NCKAP5: variants seen among roughly 807,000 people sequenced by gnomAD.
The protein encoded by NCKAP5 is NCK associated protein 5.
NCKAP5 carries 92 observed loss-of-function variants against 167.0 expected under a neutral mutation model. The ratio of observed to expected loss-of-function variants is 0.55; its 90% confidence interval spans 0.47 to 0.66. The LOEUF (loss-of-function observed/expected upper bound fraction) is 0.66, where lower values mean the gene tolerates loss of function less well. NCKAP5 is among the 30% of genes least tolerant of loss of function. The pLI is 0.00. For missense variants in NCKAP5, 2,378 were observed against 2,315.0 expected, an observed-to-expected ratio of 1.03 and a Z score of -0.56; for synonymous variants, 891 against 877.4, an observed-to-expected ratio of 1.02 and a Z score of -0.27.
intron 6 of NCKAP5, among the ~76,000 whole-genome samples, chr2:133,109,412 T>G (rs2081833576): frequency 6.6e-6 from 1 of 152,200 alleles, no homozygotes; most frequent in South Asian, 2.1e-4. Context: ...CAGTAATGCT[T>G]TCTTCAAGAG....
intron 3 of NCKAP5, among the ~76,000 whole-genome samples, chr2:133,454,869 G>A (rs2151209458): frequency 6.6e-6 from 1 of 152,072 alleles, no homozygotes; most frequent in East Asian, 1.9e-4. Context: ...AACAATAAAT[G>A]AATATAATTG....
chr2:133,299,743 C>T (rs1310528383), intron 4 of NCKAP5, among the ~76,000 whole-genome samples: 1 of 152,168 alleles, frequency 6.6e-6, no homozygotes, highest in East Asian at 1.9e-4. Context: ...AAGAGCAAAT[C>T]TCTGTCTCAG....
intron 8 of NCKAP5, among the ~76,000 whole-genome samples, chr2:132,913,809 T>C (rs185356415): frequency 1.5e-3 from 226 of 152,306 alleles, no homozygotes; most frequent in African/African-American, 5.2e-3. Flanking sequence ...AGGGCTCATA[T>C]TGAAGTGCAT....
At chr2:133,481,087 A>G (rs147449342) in intron 3 of NCKAP5, among the ~76,000 whole-genome samples, 2 of 152,362 alleles carry the variant, frequency 1.3e-5, no homozygotes, top group Admixed American at 6.5e-5. Context: ...TTCTGTACAC[A>G]TACTAATAAA....
At chr2:133,079,890 A>C (rs1184150872) in intron 6 of NCKAP5, among the ~76,000 whole-genome samples, 12 of 152,088 alleles carry the variant, frequency 7.9e-5, no homozygotes, top group African/African-American at 2.9e-4. Flanking sequence ...CAGGTTTCAG[A>C]ATTTAGCTGT....
intron 7 of NCKAP5, among the ~76,000 whole-genome samples, chr2:132,973,151 T>C (rs1393632547): frequency 3.9e-5 from 6 of 152,186 alleles, no homozygotes; most frequent in African/African-American, 1.2e-4. Context: ...ACACCGTCAC[T>C]GGGGAGTGAC....
intron 4 of NCKAP5, among the ~76,000 whole-genome samples, chr2:133,293,547 T>A (rs530228813): frequency 2.6e-5 from 4 of 152,204 alleles, no homozygotes; most frequent in Non-Finnish European, 5.9e-5. Context: ...AAGACAGTGA[T>A]GTTATTTCAT....
intron 11 of NCKAP5, among the ~76,000 whole-genome samples, chr2:132,816,053 T>A (rs1034415207): frequency 1.3e-5 from 2 of 152,080 alleles, no homozygotes; most frequent in African/African-American, 2.4e-5. Context: ...GGCAAGCCAC[T>A]TCATCTTTTG....
chr2:133,569,219 CT>C (rs2105063703), upstream of NCKAP5, among the ~76,000 whole-genome samples: 1 of 152,184 alleles, frequency 6.6e-6, no homozygotes, highest in Non-Finnish European at 1.5e-5. Flanking sequence ...CTATTTTCCA[CT>C]CTCTCATGGA....
chr2:133,469,262 G>A (rs1299373984), intron 3 of NCKAP5, among the ~76,000 whole-genome samples: 1 of 151,704 alleles, frequency 6.6e-6, no homozygotes, highest in Non-Finnish European at 1.5e-5. Context: ...TTTCTCCTTT[G>A]CTTATGAAGC....
At chr2:133,546,885 C>T (rs539843039) in intron 2 of NCKAP5, among the ~76,000 whole-genome samples, 6 of 152,218 alleles carry the variant, frequency 3.9e-5, no homozygotes, top group South Asian at 2.1e-4. Flanking sequence ...CCAAGATGGC[C>T]GAATAGGAAC....
At chr2:133,429,390 T>G (rs1559478533) in intron 3 of NCKAP5, among the ~76,000 whole-genome samples, 2 of 152,042 alleles carry the variant, frequency 1.3e-5, no homozygotes. Flanking sequence ...GAGATTCTAA[T>G]GATCCTATCA....
intron 3 of NCKAP5, among the ~76,000 whole-genome samples, chr2:133,314,992 G>A (rs1681498712): frequency 6.6e-6 from 1 of 152,220 alleles, no homozygotes; most frequent in South Asian, 2.1e-4. Flanking sequence ...ACAGAGGCCA[G>A]TGTGGCTGGA....
intron 16 of NCKAP5, among the ~76,000 whole-genome samples, chr2:132,741,906 T>G (rs996122936): frequency 1.3e-5 from 2 of 152,246 alleles, no homozygotes; most frequent in South Asian, 2.1e-4. Context: ...TTTAACCCAC[T>G]TCTGGGCTTG....
intron 3 of NCKAP5, among the ~76,000 whole-genome samples, chr2:133,393,542 C>G (rs1329504615): frequency 2.0e-5 from 3 of 152,120 alleles, no homozygotes; most frequent in Non-Finnish European, 4.4e-5. Context: ...CTGGAATATC[C>G]AGGGAACTAT....
chr2:133,006,187 A>C (rs1185965736), intron 6 of NCKAP5, among the ~76,000 whole-genome samples: 2 of 152,092 alleles, frequency 1.3e-5, no homozygotes, highest in Admixed American at 6.6e-5. Flanking sequence ...TGGACTCAGG[A>C]GGTCGAGGTT....
At chr2:133,171,729 A>G (rs1202214844) in intron 5 of NCKAP5, among the ~76,000 whole-genome samples, 1 of 152,228 alleles carries the variant, frequency 6.6e-6, no homozygotes, top group Non-Finnish European at 1.5e-5. Context: ...AGACAACAAT[A>G]GATCCGCCGT....
chr2:133,532,403 C>T (rs1347044), intron 2 of NCKAP5, among the ~76,000 whole-genome samples: 35,927 of 152,090 alleles, frequency 0.24, 5,391 homozygotes, highest in East Asian at 0.48. Context: ...AGTGAGAAGG[C>T]AGTGCCAAAT....
the NCKAP5 span, among the ~76,000 whole-genome samples, chr2:133,640,999 A>G: frequency 1.3e-5 from 2 of 152,216 alleles, no homozygotes; most frequent in Admixed American, 1.3e-4. Flanking sequence ...CAAGAATTGT[A>G]CTCAATTTCT....
Sources: allele counts gnomAD v4.1 joint callset (sites outside exome capture counted in the v4.1 genomes callset), GRCh38; gene constraint gnomAD v4.1.1; transcripts MANE v1.5; gene names NCBI Gene and HGNC (gene_info 2026-07-23, HGNC 2026-07-21).